Variants in AFF1 observed in about 807,000 individuals in gnomAD.
AFF1 encodes AF4/FMR2 family member 1.
Under a neutral mutation model 121.7 loss-of-function variants are expected in AFF1, and 48 were observed. That is an observed-to-expected ratio of 0.39 (90% CI 0.31 to 0.50). The LOEUF (loss-of-function observed/expected upper bound fraction) is 0.50. Ranked by LOEUF, AFF1 falls within the 20% of genes least tolerant of loss-of-function variation. AFF1 has a pLI of 0.76. For synonymous variants in AFF1, 613 were observed against 563.0 expected, an observed-to-expected ratio of 1.09 and a Z score of -1.26; for missense variants, 1,523 against 1,511.7, an observed-to-expected ratio of 1.01 and a Z score of -0.12.
chr4:87,127,172 C>G (rs544044934), intron 15 of AFF1, 55 bp downstream of exon 15: 24 of 1,296,966 alleles, frequency 1.9e-5, no homozygotes, highest in Admixed American at 5.6e-5. Context: ...TGCTTCCCCC[C>G]CCCACCAAGA....
chr4:87,129,397 T>C (rs531222320), intron 16 of AFF1, among the ~76,000 whole-genome samples: 63 of 152,342 alleles, frequency 4.1e-4, no homozygotes, highest in African/African-American at 1.5e-3. Flanking sequence ...CACAGAAATA[T>C]GGACGTTATT....
At chr4:86,951,017 G>C (rs1721262934) in intron 2 of AFF1, among the ~76,000 whole-genome samples, 1 of 152,166 alleles carries the variant, frequency 6.6e-6, no homozygotes, top group African/African-American at 2.4e-5. Context: ...CTGTGGGACA[G>C]ATCTGGTCAA....
At chr4:87,098,336 T>C (rs1407503941) in intron 8 of AFF1, among the ~76,000 whole-genome samples, 1 of 152,226 alleles carries the variant, frequency 6.6e-6, no homozygotes, top group Non-Finnish European at 1.5e-5. Context: ...AGGATGTTAG[T>C]GCAATTTGCC....
Position 87,020,821 on chromosome 4 carries a change from ACGT to A in AFF1, c.39-25340_39-25338del, listed in dbSNP as rs368715459. On this transcript the variant is annotated intron_variant, in intron 2 of 20. Transcript: ENST00000395146. ...GATGCACAGGTAGTCATCATTGTTAACGTCGTCTTTTCAAATTGTCCTGTTTGG... is the reference window on the plus strand; with the variant it reads ...GATGCACAGGTAGTCATCATTGTTAACGTCTTTTCAAATTGTCCTGTTTGG... 5.1e-6 allele frequency: 5 copies of A among 985,206 alleles called. No individual in the cohort carries two copies. The African/African-American group carries it at 8.7e-5, about 17-fold the overall frequency. 61.0% of individuals were successfully genotyped at this position (985,206 alleles called of 1,614,324 possible).
chr4:87,050,616 A>G (rs906911688), intron 4 of AFF1, among the ~76,000 whole-genome samples: 15 of 152,200 alleles, frequency 9.9e-5, no homozygotes, highest in African/African-American at 2.9e-4. Context: ...AATTCTTCCA[A>G]AGATCCTAAG....
At chr4:87,010,112 A>G (rs1411235828) in intron 2 of AFF1, among the ~76,000 whole-genome samples, 1 of 152,222 alleles carries the variant, frequency 6.6e-6, no homozygotes, top group Non-Finnish European at 1.5e-5. Context: ...CATAAGCTAG[A>G]AGTACTTTGA....
Position 87,066,998 on chromosome 4 carries a change from G to C in AFF1, c.1060-17122G>C, listed in dbSNP as rs72877990. ...TGCAGCTGTTTACGATTATATCAGA[G>C]GAGGAGATGTAATCAAAGATTGTAC... On this transcript the variant is annotated intron_variant, in intron 4 of 20. Coordinates refer to ENST00000395146, the MANE Select transcript of AFF1 (RefSeq NM_001166693.3). Among the ~76,000 whole-genome samples the C allele has an allele frequency of 1.6e-3, 241 of 152,284 alleles. 1 individual carries two copies. Among genetic ancestry groups the C allele is most frequent in the African/African-American group, 5.5e-3 (228 of 41,534 alleles).
At chr4:87,073,039 C>G (rs11724499) in intron 4 of AFF1, among the ~76,000 whole-genome samples, 1 of 150,266 alleles carries the variant, frequency 6.7e-6, no homozygotes, top group African/African-American at 2.5e-5. Flanking sequence ...TTAAGTCTAT[C>G]TAAGATTCAG....
chr4:86,986,405 A>G (rs1724280630), intron 2 of AFF1, among the ~76,000 whole-genome samples: 1 of 152,094 alleles, frequency 6.6e-6, no homozygotes, highest in African/African-American at 2.4e-5. Flanking sequence ...ATATTTTTAA[A>G]AAGAGTTAAC....
chr4:87,064,024 A>G (rs564565050), intron 4 of AFF1, among the ~76,000 whole-genome samples: 50 of 152,244 alleles, frequency 3.3e-4, no homozygotes, highest in Non-Finnish European at 5.3e-4. Context: ...CACTTTTTCA[A>G]TAAGAGACTT....
chr4:87,060,390 C>A (rs1198223527), intron 4 of AFF1, among the ~76,000 whole-genome samples: 1 of 152,062 alleles, frequency 6.6e-6, no homozygotes, highest in East Asian at 1.9e-4. Flanking sequence ...AAAAGTAATG[C>A]ATATAATAAA....
rs571490123 is a variant in AFF1 at position 87,053,279 on chromosome 4, C to T, written c.1059+5685C>T. On this transcript the variant is annotated intron_variant, in intron 4 of 20. Transcript: ENST00000395146. ...GCCTCTTGTCACATCATGTTAGGAA[C>T]GTTTTGTTGCCAGATGCTTGCATTT... Among the ~76,000 whole-genome samples, 8 of 152,218 alleles carry T rather than the reference C, an allele frequency of 5.3e-5. No individual in the cohort carries two copies. In the South Asian group the frequency reaches 8.3e-4, roughly 16 times the overall value.
At chr4:86,951,835 C>T (rs1721366143) in intron 2 of AFF1, among the ~76,000 whole-genome samples, 1 of 151,024 alleles carries the variant, frequency 6.6e-6, no homozygotes, top group Admixed American at 6.6e-5. Flanking sequence ...AGGATGGTCT[C>T]GATATCTTGA....
rs780746451 is a variant in AFF1, at chr4:87,047,625, C to G, written c.1059+31C>G. 4 of 1,613,150 alleles carry G rather than the reference C, an allele frequency of 2.5e-6. No individual in the cohort carries two copies. In the South Asian group the frequency reaches 4.4e-5, roughly 18 times the overall value. Reference sequence around the variant, plus strand: ...TGGAATTTCTTATCTTGGGGAATTCCAATTCGAAGACGGATTTGAGATGAA... The same window carrying G: ...TGGAATTTCTTATCTTGGGGAATTCGAATTCGAAGACGGATTTGAGATGAA... On this transcript the variant is annotated intron_variant, in intron 4 of 20. Transcript: ENST00000395146.
intron 4 of AFF1, among the ~76,000 whole-genome samples, chr4:87,073,014 C>T (rs966675579): frequency 2.0e-5 from 3 of 149,228 alleles, no homozygotes; most frequent in South Asian, 2.1e-4. Context: ...GCAGAGATAA[C>T]GCAGGAAAAG....
intron 4 of AFF1, among the ~76,000 whole-genome samples, chr4:87,067,825 T>C (rs1721516969): frequency 6.6e-6 from 1 of 152,230 alleles, no homozygotes; most frequent in Non-Finnish European, 1.5e-5. Flanking sequence ...CAAAAATGTC[T>C]ACATGCCACA....
chr4:86,979,176 C>T (rs1385960578), intron 2 of AFF1, among the ~76,000 whole-genome samples: 2 of 152,188 alleles, frequency 1.3e-5, no homozygotes, highest in African/African-American at 4.8e-5. Flanking sequence ...CGACTCACTG[C>T]AACCTCCGCC....
Position 87,118,619 on chromosome 4 carries a change from G to T in AFF1, c.2466+3320G>T, listed in dbSNP as rs1727359387. ...ACTCCTGGGCTCAGGTGACCCTCCT[G>T]CCTCAGCCTCCAGGCACATGCCACT... On this transcript the variant is annotated intron_variant, in intron 12 of 20. Coordinates refer to ENST00000395146, the MANE Select transcript of AFF1 (RefSeq NM_001166693.3). 2.0e-5 allele frequency among the ~76,000 whole-genome samples: 3 copies of T among 152,248 alleles called. No homozygotes were observed. The South Asian group carries it at 6.2e-4, about 32-fold the overall frequency.
chr4:86,946,540 C>T (rs1455292157), intron 1 of AFF1, among the ~76,000 whole-genome samples: 1 of 147,654 alleles, frequency 6.8e-6, no homozygotes, highest in African/African-American at 2.5e-5. Flanking sequence ...CACAGGCATG[C>T]ACCTCCACAC....
Sources: allele counts gnomAD v4.1 joint callset (sites outside exome capture counted in the v4.1 genomes callset), GRCh38; gene constraint gnomAD v4.1.1; transcripts MANE v1.5; gene names NCBI Gene and HGNC (gene_info 2026-07-23, HGNC 2026-07-21).